SLC35F3: variants seen among roughly 807,000 people sequenced by gnomAD.
The protein encoded by SLC35F3 is solute carrier family 35 member F3.
A neutral mutation model predicts 49.9 loss-of-function variants in SLC35F3; 25 were observed. That is an observed-to-expected ratio of 0.50 (90% CI 0.37 to 0.70). The LOEUF (loss-of-function observed/expected upper bound fraction) is 0.70, where lower values mean the gene tolerates loss of function less well. Ranked by LOEUF, SLC35F3 falls within the 30% of genes least tolerant of loss-of-function variation. SLC35F3 has a pLI of 0.00. For synonymous variants in SLC35F3, 275 were observed against 265.4 expected, an observed-to-expected ratio of 1.04 and a Z score of -0.35; for missense variants, 525 against 639.8, an observed-to-expected ratio of 0.82 and a Z score of 1.94.
intron 2 of SLC35F3, among the ~76,000 whole-genome samples, chr1:234,108,753 ATATATATAAATATATATATCTTT>A (rs999570295): frequency 4.4e-4 from 43 of 96,896 alleles, no homozygotes; most frequent in African/African-American, 1.3e-3. Flanking sequence ...TATATAAAAG[ATATATATAAATATATATATCTTT>A]TATATATAAA....
intron 2 of SLC35F3, among the ~76,000 whole-genome samples, chr1:234,040,047 A>G (rs975539120): frequency 2.6e-5 from 4 of 152,188 alleles, no homozygotes; most frequent in African/African-American, 7.2e-5. Flanking sequence ...CCCAAAAAGA[A>G]TGAGATGACA....
chr1:233,942,861 C>T lies in SLC35F3; in HGVS notation c.283+37103C>T, dbSNP rs1052002304. Among the ~76,000 whole-genome samples, 3 of 152,286 alleles carry T rather than the reference C, an allele frequency of 2.0e-5. No homozygotes were observed. The South Asian group carries it at 6.2e-4, about 32-fold the overall frequency. The stretch of plus-strand genomic sequence containing the variant: ...CATTGAATAACAACTCTCCATTTCT[C>T]CCTCTCCCCAGCCCCTGGCAACCAC... On this transcript the variant is annotated intron_variant, in intron 2 of 7. Transcript: ENST00000366618.
chr1:234,113,408 A>G (rs1665437654), intron 2 of SLC35F3, among the ~76,000 whole-genome samples: 1 of 152,250 alleles, frequency 6.6e-6, no homozygotes, highest in Non-Finnish European at 1.5e-5. Context: ...CTCTTGATTT[A>G]TGAGAAATTT....
intron 2 of SLC35F3, among the ~76,000 whole-genome samples, chr1:234,154,613 G>A (rs1163883883): frequency 2.0e-5 from 3 of 152,166 alleles, no homozygotes; most frequent in Non-Finnish European, 4.4e-5. Flanking sequence ...CAAATTTGAT[G>A]TCTGGCATTC....
chr1:234,029,078 G>A (rs1664019752), intron 2 of SLC35F3, among the ~76,000 whole-genome samples: 1 of 152,176 alleles, frequency 6.6e-6, no homozygotes, highest in Non-Finnish European at 1.5e-5. Flanking sequence ...GACAAATTCT[G>A]TTTCTTTCAT....
chr1:234,279,903 C>G (rs1306638266), intron 3 of SLC35F3, among the ~76,000 whole-genome samples: 1 of 152,228 alleles, frequency 6.6e-6, no homozygotes, highest in Non-Finnish European at 1.5e-5. Context: ...TTTTCTTTCA[C>G]AGGCACATTA....
intron 2 of SLC35F3, among the ~76,000 whole-genome samples, chr1:234,047,242 G>A (rs1379945): frequency 0.031 from 4,765 of 152,124 alleles, 232 homozygotes; most frequent in African/African-American, 0.11. Flanking sequence ...AATTATATGA[G>A]TCAACCTGAC....
chr1:234,066,037 C>T (rs547955797), intron 2 of SLC35F3, among the ~76,000 whole-genome samples: 6 of 152,184 alleles, frequency 3.9e-5, no homozygotes, highest in African/African-American at 1.4e-4. Flanking sequence ...CCTGGTGGCA[C>T]GATTCTGCTC....
chr1:234,033,165 A>G (rs1205541774), intron 2 of SLC35F3, among the ~76,000 whole-genome samples: 3 of 152,004 alleles, frequency 2.0e-5, no homozygotes, highest in African/African-American at 4.8e-5. Context: ...TCTTTTGAGA[A>G]TTGTCTATAC....
intron 6 of SLC35F3, 39 bp downstream of exon 6, chr1:234,318,982 A>G (rs1558109383): frequency 1.3e-6 from 2 of 1,571,166 alleles, no homozygotes; most frequent in Non-Finnish European, 1.7e-6. Flanking sequence ...CCAGAAAGCA[A>G]CCACCCACAG....
At chr1:234,208,309 G>A (rs569179147) in intron 2 of SLC35F3, among the ~76,000 whole-genome samples, 1 of 152,294 alleles carries the variant, frequency 6.6e-6, no homozygotes, top group Non-Finnish European at 1.5e-5. Context: ...CCCTGCATGG[G>A]AATGAATAGA....
chr1:234,237,991 A>C (rs1572109245), intron 3 of SLC35F3, among the ~76,000 whole-genome samples: 1 of 152,350 alleles, frequency 6.6e-6, no homozygotes. Flanking sequence ...GGCATGAGCC[A>C]CTGCACCCAG....
chr1:234,255,599 C>A (rs375433164), intron 3 of SLC35F3, among the ~76,000 whole-genome samples: 1 of 152,242 alleles, frequency 6.6e-6, no homozygotes, highest in South Asian at 2.1e-4. Context: ...TTGGAAGAAC[C>A]AAGATGTCCC....
intron 2 of SLC35F3, among the ~76,000 whole-genome samples, chr1:233,952,189 G>T (rs1662619276): frequency 6.6e-6 from 1 of 151,822 alleles, no homozygotes; most frequent in Non-Finnish European, 1.5e-5. Flanking sequence ...AGTTTCTTCA[G>T]AGATGTTCCT....
intron 2 of SLC35F3, among the ~76,000 whole-genome samples, chr1:234,049,220 C>A (rs1017552633): frequency 1.3e-5 from 2 of 151,956 alleles, no homozygotes; most frequent in Non-Finnish European, 2.9e-5. Flanking sequence ...AATATTTGTA[C>A]CCCCCACCCC....
At chr1:234,129,523 A>T (rs10797529) in intron 2 of SLC35F3, among the ~76,000 whole-genome samples, 58,541 of 152,046 alleles carry the variant, frequency 0.39, 13,234 homozygotes, top group Non-Finnish European at 0.52. Flanking sequence ...CCCAACATTG[A>T]TCCATAAAGT....
chr1:233,963,671 G>A (rs1056442247), intron 2 of SLC35F3, among the ~76,000 whole-genome samples: 2 of 152,150 alleles, frequency 1.3e-5, no homozygotes, highest in Admixed American at 6.5e-5. Context: ...CAGGGGTGAG[G>A]GCAGAGTTCC....
intron 2 of SLC35F3, among the ~76,000 whole-genome samples, chr1:233,969,208 G>T (rs1662952590): frequency 6.6e-6 from 1 of 152,144 alleles, no homozygotes; most frequent in African/African-American, 2.4e-5. Context: ...TGCCGATTTT[G>T]ATCTATTTCT....
chr1:234,218,823 G>A (rs1667159949), intron 2 of SLC35F3, among the ~76,000 whole-genome samples: 2 of 152,026 alleles, frequency 1.3e-5, no homozygotes, highest in Admixed American at 6.5e-5. Flanking sequence ...GGCCGAGGTG[G>A]GTGGATCATG....
Sources: gnomAD v4.1 joint callset for allele counts (sites outside exome capture counted in the v4.1 genomes callset) on GRCh38, gnomAD v4.1.1 for gene constraint, MANE v1.5 for transcripts, NCBI Gene and HGNC (gene_info 2026-07-23, HGNC 2026-07-21) for gene names.